The following PDIA5 variants were observed in gnomAD, a reference collection of about 807,000 sequenced individuals.
The protein encoded by PDIA5 is protein disulfide isomerase family A member 5.
Under a neutral mutation model 77.6 loss-of-function variants are expected in PDIA5, and 58 were observed. The ratio of observed to expected loss-of-function variants is 0.75; its 90% CI spans 0.61 to 0.93. The LOEUF (loss-of-function observed/expected upper bound fraction) is 0.93. Among genes scored for constraint, PDIA5 ranks in the 40% least tolerant of loss-of-function variants. The probability of loss-of-function intolerance (pLI) is 0.00; values close to 1 mark genes in which losing one functional copy is unlikely to be tolerated. For synonymous variants in PDIA5, 250 were observed against 252.1 expected (o/e 0.99, Z 0.08); for missense variants, 630 against 647.7 (o/e 0.97, Z 0.30).
chr3:123,110,301 C>T (rs1386612231), intron 6 of PDIA5, among the ~76,000 whole-genome samples: 4 of 152,152 alleles, frequency 2.6e-5, no homozygotes, highest in African/African-American at 7.2e-5. Flanking sequence ...TTTTACAAAT[C>T]TATTTTGCCT....
At chr3:123,102,902 T>G in intron 5 of PDIA5, 106 bp downstream of exon 5, 2 of 749,324 alleles carry the variant, frequency 2.7e-6, no homozygotes, top group Non-Finnish European at 4.9e-6. Context: ...CACAAATAGC[T>G]CTTCTAAATG....
intron 11 of PDIA5, among the ~76,000 whole-genome samples, chr3:123,131,247 G>A (rs1935363576): frequency 1.3e-5 from 2 of 152,058 alleles, no homozygotes; most frequent in Non-Finnish European, 2.9e-5. Flanking sequence ...TCCAGCCTGA[G>A]TAACCAAACA....
chr3:123,120,164 A>G (rs1250289837), intron 8 of PDIA5, among the ~76,000 whole-genome samples: 2 of 152,190 alleles, frequency 1.3e-5, no homozygotes, highest in African/African-American at 4.8e-5. Context: ...AGCTTTGCCT[A>G]GTCTTTGGTG....
intron 1 of PDIA5, among the ~76,000 whole-genome samples, chr3:123,068,459 C>T (rs983687423): frequency 1.3e-5 from 2 of 152,160 alleles, no homozygotes; most frequent in African/African-American, 2.4e-5. Context: ...GGCAGTGTCA[C>T]TTAATTGCGT....
Position 123,150,314 on chromosome 3 carries a change from G to C in PDIA5, c.1223G>C (p.Arg408Pro). The change falls in exon 14 of 17, where the codon CGG becomes CCG. Residue 408 changes from arginine to proline, a missense_variant. By Grantham distance (103) the Arg-to-Pro change is moderately radical. Coordinates refer to ENST00000316218, the MANE Select transcript of PDIA5 (RefSeq NM_006810.4). ...TTGCACCTGGTGGGGGACAACTTCC[G>C]GGAGACCCTGAAGAAGAAGAAACAC... ...SVLHLVGDNF[R>P]ETLKKKKHTL... is the part of the protein sequence containing the mutation. 1 of 1,613,768 alleles carries C rather than the reference G, an allele frequency of 6.2e-7. No individual in the cohort carries two copies. Among genetic ancestry groups the C allele is most frequent in the Admixed American group, 1.7e-5 (1 of 59,982 alleles).
At chr3:123,098,646 T>C (rs1398602816) in intron 3 of PDIA5, among the ~76,000 whole-genome samples, 1 of 151,990 alleles carries the variant, frequency 6.6e-6, no homozygotes, top group Non-Finnish European at 1.5e-5. Context: ...GAGAGCCAAG[T>C]GAGGTGGGGA....
rs1935216967 is a variant in PDIA5, at chr3:123,125,275, C to G, written c.773+932C>G. Among the ~76,000 whole-genome samples the G allele has an allele frequency of 2.0e-5, 3 of 152,226 alleles. No individual in the cohort carries two copies. The South Asian group carries it at 6.2e-4, about 31-fold the overall frequency. ...AACAGCCAACATCTTTTGGGCTCTC[C>G]TTTGTGGCTGACATTGTTCTAAGCA... On this transcript the variant is annotated intron_variant, in intron 10 of 16. Transcript: ENST00000316218.
chr3:123,135,816 T>C (rs1185384246), intron 11 of PDIA5, among the ~76,000 whole-genome samples: 4 of 150,566 alleles, frequency 2.7e-5, no homozygotes, highest in Admixed American at 2.0e-4. Context: ...TTTGGTCTTA[T>C]TTTTAACTTT....
chr3:123,094,319 G>A (rs1934378124), intron 3 of PDIA5, among the ~76,000 whole-genome samples: 1 of 152,212 alleles, frequency 6.6e-6, no homozygotes, highest in Non-Finnish European at 1.5e-5. Context: ...GATTAAGTTG[G>A]ACTCAGGAAT....
At chr3:123,096,945 C>T (rs1402227829) in intron 3 of PDIA5, among the ~76,000 whole-genome samples, 1 of 152,196 alleles carries the variant, frequency 6.6e-6, no homozygotes, top group South Asian at 2.1e-4. Context: ...CCCGAGGCTG[C>T]GTCTCACAGG....
At chr3:123,118,451 A>T (rs1376135843) in intron 8 of PDIA5, among the ~76,000 whole-genome samples, 1 of 152,090 alleles carries the variant, frequency 6.6e-6, no homozygotes, top group Non-Finnish European at 1.5e-5. Context: ...AAATCAGATC[A>T]CAAGTTATTC....
At chr3:123,102,607 T>C (rs1204541063) in intron 4 of PDIA5, 113 bp downstream of exon 4, 1 of 1,061,676 alleles carries the variant, frequency 9.4e-7, no homozygotes, top group African/African-American at 1.6e-5. Context: ...ATGGTTTTCT[T>C]CCTGTGTTTA....
intron 3 of PDIA5, among the ~76,000 whole-genome samples, chr3:123,099,901 T>C (rs932793743): frequency 1.3e-5 from 2 of 152,196 alleles, no homozygotes; most frequent in Non-Finnish European, 2.9e-5. Context: ...GGGTGGGGAT[T>C]CTCCTGTCCA....
At position 123,092,348 on chromosome 3, in the gene PDIA5, T is replaced by C; in HGVS notation, c.170-7T>C. ...CAGATGTTTAATTTTTTGTTTTTTT[T>C]TTACAGAGGTGGCAGCTGAAAATCA... On this transcript the variant is annotated splice_region_variant and splice_polypyrimidine_tract_variant and intron_variant, in intron 2 of 16. Coordinates refer to ENST00000316218, the MANE Select transcript of PDIA5 (RefSeq NM_006810.4). The C allele has an allele frequency of 6.2e-7, 1 of 1,612,932 alleles. No individual in the cohort carries two copies. Among genetic ancestry groups the C allele is most frequent in the Non-Finnish European group, 8.5e-7 (1 of 1,179,158 alleles).
chr3:123,112,409 C>T (rs1934883472), intron 7 of PDIA5, among the ~76,000 whole-genome samples: 2 of 152,088 alleles, frequency 1.3e-5, no homozygotes, highest in South Asian at 4.2e-4. Context: ...AACAAAGGCT[C>T]CTCCCATCTG....
chr3:123,092,696 G>A (rs1012519330), intron 3 of PDIA5, among the ~76,000 whole-genome samples: 14 of 152,206 alleles, frequency 9.2e-5, no homozygotes, highest in African/African-American at 2.9e-4. Context: ...ATTTCCATGT[G>A]TTTCTTTCTT....
chr3:123,153,046 A>G (rs1198146883), intron 14 of PDIA5, among the ~76,000 whole-genome samples: 1 of 151,138 alleles, frequency 6.6e-6, no homozygotes, highest in East Asian at 1.9e-4. Context: ...AAGCATCTTC[A>G]TGCACTTTCT....
chr3:123,130,037 C>T (rs960068908), intron 10 of PDIA5, among the ~76,000 whole-genome samples: 1 of 152,236 alleles, frequency 6.6e-6, no homozygotes, highest in African/African-American at 2.4e-5. Context: ...TCTCTGTACC[C>T]TCTTCCTCCC....
chr3:123,127,439 T>C lies in PDIA5; in HGVS notation c.774-3041T>C, dbSNP rs146853728. Among the ~76,000 whole-genome samples, 250 of 152,346 alleles carry C rather than the reference T, an allele frequency of 1.6e-3. 3 individuals are homozygous for C. Among genetic ancestry groups the C allele is most frequent in the Non-Finnish European group, 5.9e-4 (40 of 68,036 alleles). On this transcript the variant is annotated intron_variant, in intron 10 of 16. Transcript: ENST00000316218. ...CTAGGAGCATTTGGGTAGTACTTTATAAAGTTACAAAGCATCTCACATCCA... is the reference window on the plus strand; with the variant it reads ...CTAGGAGCATTTGGGTAGTACTTTACAAAGTTACAAAGCATCTCACATCCA...
Sources: allele counts gnomAD v4.1 joint callset (sites outside exome capture counted in the v4.1 genomes callset), GRCh38; gene constraint gnomAD v4.1.1; transcripts MANE v1.5; gene names NCBI Gene and HGNC (gene_info 2026-07-23, HGNC 2026-07-21).